Variants in PTPRM observed in about 807,000 individuals in gnomAD.
The protein encoded by PTPRM is protein tyrosine phosphatase receptor type M.
A neutral mutation model predicts 186.7 loss-of-function variants in PTPRM; 47 were observed. That is an observed-to-expected ratio of 0.25 (90% CI 0.20 to 0.32). The LOEUF (loss-of-function observed/expected upper bound fraction) is 0.32. Ranked by LOEUF, PTPRM falls within the 10% of genes least tolerant of loss-of-function variation. PTPRM has a pLI of 1.00. For missense variants in PTPRM, 1,494 were observed against 1,865.0 expected (o/e 0.80, Z 3.66); for synonymous variants, 668 against 674.9 (o/e 0.99, Z 0.16).
At chr18:8,287,065 C>T (rs1303945272) in intron 19 of PTPRM, among the ~76,000 whole-genome samples, 1 of 151,526 alleles carries the variant, frequency 6.6e-6, no homozygotes, top group Non-Finnish European at 1.5e-5. Context: ...CTTCACAGCT[C>T]TCCAAGAAAT....
intron 30 of PTPRM, 144 bp downstream of exon 30, chr18:8,384,830 C>G: frequency 1.0e-6 from 1 of 986,740 alleles, no homozygotes. Context: ...GATTCCTGAC[C>G]TTATGGAGCT....
At chr18:8,249,305 A>G (rs2094506117) in intron 17 of PTPRM, among the ~76,000 whole-genome samples, 1 of 152,160 alleles carries the variant, frequency 6.6e-6, no homozygotes, top group African/African-American at 2.4e-5. Context: ...TTGTTGCCTA[A>G]GGAAAAAATG....
intron 14 of PTPRM, among the ~76,000 whole-genome samples, chr18:8,167,110 C>A (rs1467438047): frequency 6.6e-6 from 1 of 152,212 alleles, no homozygotes; most frequent in Non-Finnish European, 1.5e-5. Flanking sequence ...CCTCTGGCTC[C>A]TTTGGAAGCT....
intron 9 of PTPRM, among the ~76,000 whole-genome samples, chr18:8,084,847 A>C (rs1169018169): frequency 6.6e-6 from 1 of 152,194 alleles, no homozygotes; most frequent in Non-Finnish European, 1.5e-5. Context: ...TTGAAAGGGT[A>C]GGATTTAAAG....
At chr18:8,087,119 C>G (rs191982798) in intron 10 of PTPRM, among the ~76,000 whole-genome samples, 8 of 152,066 alleles carry the variant, frequency 5.3e-5, no homozygotes, top group Admixed American at 5.2e-4. Flanking sequence ...TAAATTTACT[C>G]CTACATACAA....
At position 8,387,056 on chromosome 18, in the gene PTPRM, GCCTT is replaced by G; in HGVS notation, c.4045-15_4045-12del. 2.5e-6 allele frequency: 4 copies of G among 1,581,442 alleles called. No individual in the cohort carries two copies. Among genetic ancestry groups the G allele is most frequent in the Non-Finnish European group, 3.5e-6 (4 of 1,151,190 alleles). On this transcript the variant is annotated splice_polypyrimidine_tract_variant and intron_variant, in intron 30 of 32. Coordinates refer to ENST00000580170, the MANE Select transcript of PTPRM (RefSeq NM_001105244.2). ...GTTTTCTTTCCACTCCCCGATTGTT[GCCTT>G]GTTCTTCGTAGCCCCAAGATGGATA...
chr18:7,607,209 C>A (rs1210218634), intron 1 of PTPRM, among the ~76,000 whole-genome samples: 3 of 152,072 alleles, frequency 2.0e-5, no homozygotes, highest in Non-Finnish European at 4.4e-5. Flanking sequence ...TAAATTAACA[C>A]AATTTTAATG....
At position 8,055,025 on chromosome 18, in the gene PTPRM, G is replaced by A. The variant is rs556542502; in HGVS notation, c.1133-14661G>A. 1.2e-3 allele frequency among the ~76,000 whole-genome samples: 190 copies of A among 152,174 alleles called. 1 individual carries two copies. The highest frequency in any genetic ancestry group is 4.3e-3 in the African/African-American group (178 of 41,534). On this transcript the variant is annotated intron_variant, in intron 7 of 32. Coordinates refer to ENST00000580170, the MANE Select transcript of PTPRM (RefSeq NM_001105244.2). ...AATCTGCCATTACTTTGTAGGTGAT[G>A]TGCTTTTTCTCTCTAGATGCTTTTG... is the stretch of plus-strand genomic sequence containing the variant.
chr18:8,039,118 A>T (rs1469037218), intron 7 of PTPRM, among the ~76,000 whole-genome samples: 1 of 152,212 alleles, frequency 6.6e-6, no homozygotes, highest in Admixed American at 6.5e-5. Flanking sequence ...CAGATTTATT[A>T]TCTAGAAACC....
chr18:7,640,409 A>G (rs2038417524), intron 1 of PTPRM, among the ~76,000 whole-genome samples: 1 of 152,132 alleles, frequency 6.6e-6, no homozygotes, highest in East Asian at 1.9e-4. Flanking sequence ...GGTCCGAGGA[A>G]TTTTACTTTT....
intron 7 of PTPRM, 84 bp from the exon 8 acceptor site, chr18:8,069,602 G>A: frequency 8.1e-7 from 1 of 1,239,708 alleles, no homozygotes; most frequent in Non-Finnish European, 1.1e-6. Flanking sequence ...GGGGACAACT[G>A]GGAATATCTG....
chr18:7,702,253 G>A (rs916076319), intron 1 of PTPRM, among the ~76,000 whole-genome samples: 2 of 151,780 alleles, frequency 1.3e-5, no homozygotes, highest in African/African-American at 4.8e-5. Flanking sequence ...CTAAATCCTT[G>A]AGGAATCGCC....
chr18:7,822,903 G>A (rs1281740565), intron 2 of PTPRM, among the ~76,000 whole-genome samples: 4 of 152,076 alleles, frequency 2.6e-5, no homozygotes, highest in Admixed American at 1.3e-4. Context: ...CTGTGGGCCA[G>A]GCTTGCTCTC....
chr18:8,388,788 C>T (rs1424097490), intron 31 of PTPRM, among the ~76,000 whole-genome samples: 2 of 152,056 alleles, frequency 1.3e-5, no homozygotes, highest in East Asian at 3.9e-4. Context: ...GTTGAAACCC[C>T]GTCTCTACTA....
chr18:7,812,062 A>G (rs904243216), intron 2 of PTPRM, among the ~76,000 whole-genome samples: 2 of 152,212 alleles, frequency 1.3e-5, no homozygotes, highest in African/African-American at 2.4e-5. Flanking sequence ...TCAAGAAAAA[A>G]TGAATTAAAT....
intron 1 of PTPRM, among the ~76,000 whole-genome samples, chr18:7,648,432 G>T (rs943034407): frequency 6.6e-6 from 1 of 152,144 alleles, no homozygotes; most frequent in African/African-American, 2.4e-5. Context: ...AAATGATTTT[G>T]CTTGGTGAGG....
At chr18:7,932,271 C>T (rs925341867) in intron 5 of PTPRM, among the ~76,000 whole-genome samples, 1 of 152,082 alleles carries the variant, frequency 6.6e-6, no homozygotes, top group Non-Finnish European at 1.5e-5. Context: ...GAAAATAACC[C>T]CTTTCTCTTC....
At chr18:7,705,267 GA>G (rs1368481557) in intron 1 of PTPRM, among the ~76,000 whole-genome samples, 1 of 150,766 alleles carries the variant, frequency 6.6e-6, no homozygotes, top group Non-Finnish European at 1.5e-5. Context: ...TAAAATATTT[GA>G]AAATATCTAT....
chr18:8,314,510 T>A lies in PTPRM; in HGVS notation c.2843-271T>A, dbSNP rs532779942. 1.3e-5 allele frequency among the ~76,000 whole-genome samples: 2 copies of A among 152,246 alleles called. 1 individual carries two copies. The highest frequency in any genetic ancestry group is 4.1e-4 in the South Asian group (2 of 4,836). ...TATGTTTGTGGTTCACAGGATTGTATGTAAAAGTGTCAAACCTTTGTCAAT... is the reference window on the plus strand; with the variant it reads ...TATGTTTGTGGTTCACAGGATTGTAAGTAAAAGTGTCAAACCTTTGTCAAT... On this transcript the variant is annotated intron_variant, in intron 20 of 32. Coordinates refer to ENST00000580170, the MANE Select transcript of PTPRM (RefSeq NM_001105244.2).
Sources: allele counts gnomAD v4.1 joint callset (sites outside exome capture counted in the v4.1 genomes callset), GRCh38; gene constraint gnomAD v4.1.1; transcripts MANE v1.5; gene names NCBI Gene and HGNC (gene_info 2026-07-23, HGNC 2026-07-21).